The following GRAMD1B variants were observed in gnomAD, a reference collection of about 807,000 sequenced individuals.
The protein encoded by GRAMD1B is protein Aster-B.
Under a neutral mutation model 99.7 loss-of-function variants are expected in GRAMD1B, and 37 were observed. The ratio of observed to expected loss-of-function variants is 0.37; its 90% CI spans 0.29 to 0.49. GRAMD1B has a LOEUF of 0.49. Among genes scored for constraint, GRAMD1B ranks in the 20% least tolerant of loss-of-function variants. The pLI, the probability that GRAMD1B is intolerant of heterozygous loss-of-function variation, is 0.98. For missense variants in GRAMD1B, 888 were observed against 1,009.2 expected, an observed-to-expected ratio of 0.88 and a Z score of 1.63; for synonymous variants, 427 against 387.6, an observed-to-expected ratio of 1.10 and a Z score of -1.19.
chr11:123,382,004 C>T (rs1335435963), intron 1 of GRAMD1B, among the ~76,000 whole-genome samples: 1 of 152,076 alleles, frequency 6.6e-6, no homozygotes, highest in Non-Finnish European at 1.5e-5. Flanking sequence ...CAGCAAGTGC[C>T]TACTCCTGCA....
intron 1 of GRAMD1B, among the ~76,000 whole-genome samples, chr11:123,477,847 C>T (rs1951378096): frequency 6.6e-6 from 1 of 150,626 alleles, no homozygotes; most frequent in African/African-American, 2.4e-5. Flanking sequence ...CGATCTCGCT[C>T]ACTGCAACCT....
At chr11:123,460,977 T>G (rs1950386207) in intron 1 of GRAMD1B, among the ~76,000 whole-genome samples, 1 of 152,202 alleles carries the variant, frequency 6.6e-6, no homozygotes, top group Non-Finnish European at 1.5e-5. Flanking sequence ...CTCTGTGTCT[T>G]TCCCACCTCG....
chr11:123,559,708 AGT>A, intron 2 of GRAMD1B: 1 of 984,442 alleles, frequency 1.0e-6, no homozygotes, highest in South Asian at 4.7e-5. Context: ...GCTTTCCCTG[AGT>A]GTTACTCTTG....
chr11:123,534,967 C>T (rs1440091101), intron 2 of GRAMD1B, among the ~76,000 whole-genome samples: 1 of 152,136 alleles, frequency 6.6e-6, no homozygotes, highest in South Asian at 2.1e-4. Context: ...GCTGAGCAGC[C>T]TGGTCAGGAC....
chr11:123,600,671 C>T, intron 8 of GRAMD1B, 123 bp downstream of exon 8: 2 of 607,834 alleles, frequency 3.3e-6, no homozygotes, highest in East Asian at 2.9e-5. Context: ...TGGCCTGAGT[C>T]CTGAAAGTAG....
At chr11:123,497,045 G>A (rs1192424636) in intron 2 of GRAMD1B, among the ~76,000 whole-genome samples, 2 of 152,156 alleles carry the variant, frequency 1.3e-5, no homozygotes, top group Non-Finnish European at 2.9e-5. Flanking sequence ...GCATTGAAGA[G>A]TTAGGCATTT....
At chr11:123,469,181 G>A (rs1464432875) in intron 1 of GRAMD1B, among the ~76,000 whole-genome samples, 3 of 152,078 alleles carry the variant, frequency 2.0e-5, no homozygotes, top group Non-Finnish European at 2.9e-5. Context: ...GGGTAGAGAG[G>A]CAATAGCCAG....
intron 14 of GRAMD1B, among the ~76,000 whole-genome samples, chr11:123,612,512 C>T (rs913633665): frequency 3.3e-5 from 5 of 151,268 alleles, no homozygotes; most frequent in African/African-American, 1.2e-4. Flanking sequence ...ACTCTGGAGT[C>T]AGAACCCTAG....
chr11:123,546,228 G>A (rs7126747), intron 2 of GRAMD1B, among the ~76,000 whole-genome samples: 32,853 of 152,116 alleles, frequency 0.22, 5,346 homozygotes, highest in African/African-American at 0.45. Context: ...AAGGAGGATG[G>A]ACAGAAGTGT....
intron 7 of GRAMD1B, 100 bp downstream of exon 7, chr11:123,596,137 G>A (rs747611762): frequency 1.5e-6 from 1 of 683,536 alleles, no homozygotes; most frequent in Non-Finnish European, 2.5e-6. Context: ...AAGCCAATAG[G>A]ATTGGGATGA....
intron 2 of GRAMD1B, among the ~76,000 whole-genome samples, chr11:123,490,829 G>C (rs1366886201): frequency 6.6e-6 from 1 of 152,160 alleles, no homozygotes; most frequent in Non-Finnish European, 1.5e-5. Context: ...CCCTTGAACA[G>C]GAGAGACTAA....
intron 10 of GRAMD1B, among the ~76,000 whole-genome samples, chr11:123,606,167 T>C (rs1034930102): frequency 6.6e-6 from 1 of 152,258 alleles, no homozygotes; most frequent in African/African-American, 2.4e-5. Context: ...TTTCCATCTC[T>C]GAGGTTATCT....
At chr11:123,597,862 A>G (rs1326552883) in intron 7 of GRAMD1B, 3 of 755,096 alleles carry the variant, frequency 4.0e-6, no homozygotes, top group Non-Finnish European at 7.2e-6. Flanking sequence ...GGTCTTTAAG[A>G]GGATTTGGTT....
At chr11:123,499,649 C>G (rs113314571) in intron 2 of GRAMD1B, among the ~76,000 whole-genome samples, 1 of 152,258 alleles carries the variant, frequency 6.6e-6, no homozygotes, top group East Asian at 1.9e-4. Context: ...TCTCCTTAGT[C>G]TGAAGGTGAA....
chr11:123,584,249 CT>C (rs959780546), intron 3 of GRAMD1B, 62 bp from the exon 4 acceptor site: 13 of 880,598 alleles, frequency 1.5e-5, no homozygotes, highest in African/African-American at 3.4e-5. Context: ...GCCCTTCCCC[CT>C]GGCCCTTCCC....
chr11:123,428,078 TTG>T (rs1443703578), upstream of GRAMD1B, among the ~76,000 whole-genome samples: 1 of 152,178 alleles, frequency 6.6e-6, no homozygotes, highest in Non-Finnish European at 1.5e-5. Flanking sequence ...GACCATCCTT[TTG>T]TGTTTTTGGC....
rs1565487832 is a variant in GRAMD1B, at chr11:123,625,967, A to AGAGAGAGAGAGAGAGAGAGATC, written c.*3386_*3387insGAGAGATCGAGAGAGAGAGAGA. 1.4e-5 allele frequency: 2 copies of AGAGAGAGAGAGAGAGAGAGATC among 147,886 alleles called. No individual in the cohort carries two copies. Among genetic ancestry groups the AGAGAGAGAGAGAGAGAGAGATC allele is most frequent in the African/African-American group, 2.4e-5 (1 of 40,956 alleles). 9.2% of individuals were successfully genotyped at this position (147,886 alleles called of 1,614,324 possible). Reference sequence around the variant, plus strand: ...GAGAGAGAGAGAGAGAGAGAGAGAGAGAGAGAGAGAGAGATCGAGCTTGAT... The same window carrying AGAGAGAGAGAGAGAGAGAGATC: ...GAGAGAGAGAGAGAGAGAGAGAGAGAGAGAGAGAGAGAGAGAGAGATCGAGAGAGAGAGAGATCGAGCTTGAT... On this transcript the variant is annotated 3_prime_UTR_variant, in exon 20 of 20. Coordinates refer to ENST00000635736, the MANE Select transcript of GRAMD1B (RefSeq NM_001387025.1).
chr11:123,364,188 G>A (rs1442186534), intron 1 of GRAMD1B, among the ~76,000 whole-genome samples: 1 of 152,196 alleles, frequency 6.6e-6, no homozygotes, highest in Non-Finnish European at 1.5e-5. Context: ...GCAATAAAGA[G>A]TGATGTTGAG....
chr11:123,502,367 G>A (rs1939950880), intron 2 of GRAMD1B, among the ~76,000 whole-genome samples: 2 of 152,222 alleles, frequency 1.3e-5, no homozygotes, highest in South Asian at 4.2e-4. Context: ...CCATAAAAAG[G>A]CCAGGCAATA....
Sources: allele counts gnomAD v4.1 joint callset (sites outside exome capture counted in the v4.1 genomes callset), GRCh38; gene constraint gnomAD v4.1.1; transcripts MANE v1.5; gene names NCBI Gene and HGNC (gene_info 2026-07-23, HGNC 2026-07-21).